COL13A1: variants seen among roughly 807,000 people sequenced by gnomAD.
The protein encoded by COL13A1 is collagen alpha-1(XIII) chain.
A neutral mutation model predicts 130.9 loss-of-function variants in COL13A1; 89 were observed. The ratio of observed to expected loss-of-function variants is 0.68; its 90% CI spans 0.57 to 0.81. The LOEUF (loss-of-function observed/expected upper bound fraction) is 0.81. Ranked by LOEUF, COL13A1 falls within the 30% of genes least tolerant of loss-of-function variation. The pLI is 0.00. For missense variants in COL13A1, 879 were observed against 934.6 expected, an observed-to-expected ratio of 0.94 and a Z score of 0.78; for synonymous variants, 402 against 341.6, an observed-to-expected ratio of 1.18 and a Z score of -1.95.
intron 38 of COL13A1, among the ~76,000 whole-genome samples, chr10:69,952,421 C>G (rs980494533): frequency 6.6e-6 from 1 of 152,218 alleles, no homozygotes; most frequent in Non-Finnish European, 1.5e-5. Context: ...CACACACATC[C>G]CAGGGCTCCA....
At chr10:69,872,936 T>C (rs1229618800) in intron 4 of COL13A1, among the ~76,000 whole-genome samples, 1 of 152,208 alleles carries the variant, frequency 6.6e-6, no homozygotes, top group Non-Finnish European at 1.5e-5. Flanking sequence ...TTGCTTGTGG[T>C]CTGTGCTCCA....
At chr10:69,881,952 G>C (rs1197961008) in intron 7 of COL13A1, among the ~76,000 whole-genome samples, 1 of 152,224 alleles carries the variant, frequency 6.6e-6, no homozygotes, top group East Asian at 1.9e-4. Flanking sequence ...GTCTGCTTCT[G>C]GTTCCTGCTG....
intron 10 of COL13A1, among the ~76,000 whole-genome samples, chr10:69,891,278 G>T (rs2061141040): frequency 6.6e-6 from 1 of 152,230 alleles, no homozygotes; most frequent in African/African-American, 2.4e-5. Context: ...CAGGCCAAAG[G>T]TCGGAGACGG....
chr10:69,956,231 G>A (rs187365414), intron 39 of COL13A1: 4 of 152,362 alleles, frequency 2.6e-5, no homozygotes, highest in Admixed American at 2.6e-4. Context: ...GAGAGGATAT[G>A]AGGGCCCAAG....
chr10:69,817,562 C>A (rs537566413), intron 1 of COL13A1, among the ~76,000 whole-genome samples: 1 of 151,904 alleles, frequency 6.6e-6, no homozygotes, highest in Admixed American at 6.5e-5. Context: ...TAAGATCAGT[C>A]GGCGAGGTTG....
Position 69,875,173 on chromosome 10 carries a change from C to T in COL13A1, c.435+10C>T. On this transcript the variant is annotated intron_variant, in intron 5 of 40. Transcript: ENST00000645393. ...GATGCCTGGACGTGTGGTGAGTTGG[C>T]CCGTTTGTACCTGCTCAGGTGGCCA... 6.2e-7 allele frequency: 1 copy of T among 1,613,960 alleles called. No individual in the cohort carries two copies. The highest frequency in any genetic ancestry group is 8.5e-7 in the Non-Finnish European group (1 of 1,179,862).
At chr10:69,859,023 T>C (rs1193800036) in intron 2 of COL13A1, among the ~76,000 whole-genome samples, 1 of 152,126 alleles carries the variant, frequency 6.6e-6, no homozygotes, top group Non-Finnish European at 1.5e-5. Flanking sequence ...AGGGCATGCC[T>C]GGATTTCAGT....
intron 2 of COL13A1, among the ~76,000 whole-genome samples, chr10:69,840,059 G>C (rs1851182424): frequency 6.6e-6 from 1 of 152,218 alleles, no homozygotes; most frequent in Non-Finnish European, 1.5e-5. Flanking sequence ...AGAGGAAATG[G>C]GGAGAGTGTG....
rs200532556 is a variant in COL13A1 at position 69,927,131 on chromosome 10, C to A, written c.1422+21C>A. The A allele has an allele frequency of 5.0e-6, 8 of 1,607,856 alleles. No individual in the cohort carries two copies. In the African/African-American group the frequency reaches 1.1e-4, roughly 22 times the overall value. ...TGATGGTAAGTTTTGCTCCTCCTGG[C>A]TTTCCTTGGGCACTGGACGGGGGGG... On this transcript the variant is annotated intron_variant, in intron 27 of 40. Transcript: ENST00000645393.
rs185877471 is a variant in COL13A1 at position 69,868,649 on chromosome 10, G to A, written c.372+844G>A. ...CAACCCTATCATCATCCCTTCCTTGGAGAAGTCATTTCCATAGTTGTTTTC... is the reference window on the plus strand; with the variant it reads ...CAACCCTATCATCATCCCTTCCTTGAAGAAGTCATTTCCATAGTTGTTTTC... On this transcript the variant is annotated intron_variant, in intron 3 of 40. Transcript: ENST00000645393. 2.0e-5 allele frequency among the ~76,000 whole-genome samples: 3 copies of A among 152,306 alleles called. No individual in the cohort carries two copies. The East Asian group carries it at 5.8e-4, about 29-fold the overall frequency.
chr10:69,934,529 GGAA>G (rs2066572477), intron 31 of COL13A1, among the ~76,000 whole-genome samples: 1 of 152,228 alleles, frequency 6.6e-6, no homozygotes, highest in South Asian at 2.1e-4. Context: ...TCTACCCCTG[GGAA>G]GACGAGGCAC....
chr10:69,951,459 G>C (rs1187529283), intron 38 of COL13A1, among the ~76,000 whole-genome samples: 3 of 151,960 alleles, frequency 2.0e-5, no homozygotes, highest in Non-Finnish European at 4.4e-5. Flanking sequence ...TCTTGTCCTT[G>C]GCTCAAGTGA....
intron 5 of COL13A1, chr10:69,877,727 A>T (rs2059739792): frequency 2.4e-6 from 1 of 413,998 alleles, no homozygotes; most frequent in Admixed American, 3.6e-5. Context: ...ACACACACAC[A>T]CACACACACA....
chr10:69,952,775 T>C lies in COL13A1; in HGVS notation c.2059-107T>C, dbSNP rs941253085. ...GGAGAATATCCTAATTTAAAGCATC[T>C]CTTTTTCCCTTTTTAATTTTATTTT... On this transcript the variant is annotated intron_variant, in intron 38 of 40. Coordinates refer to ENST00000645393, the MANE Select transcript of COL13A1 (RefSeq NM_001368882.1). 3.8e-6 allele frequency: 3 copies of C among 788,328 alleles called. No homozygotes were observed. The African/African-American group carries it at 5.6e-5, about 15-fold the overall frequency. 48.8% of individuals were successfully genotyped at this position (788,328 alleles called of 1,614,324 possible).
intron 4 of COL13A1, among the ~76,000 whole-genome samples, chr10:69,874,333 G>A (rs1200315099): frequency 3.3e-5 from 5 of 152,074 alleles, no homozygotes; most frequent in South Asian, 4.2e-4. Flanking sequence ...CTGATTCTCC[G>A]CACCCTATTG....
chr10:69,860,671 C>A, intron 2 of COL13A1: 1 of 161,440 alleles, frequency 6.2e-6, no homozygotes, highest in South Asian at 5.1e-5. Context: ...CTCCATCCCC[C>A]TGGGCAGAAC....
intron 14 of COL13A1, among the ~76,000 whole-genome samples, chr10:69,902,426 G>A (rs534575935): frequency 3.3e-5 from 5 of 152,190 alleles, no homozygotes; most frequent in Admixed American, 1.3e-4. Flanking sequence ...CTGGGAGCAG[G>A]CCTTTGGTTG....
intron 2 of COL13A1, among the ~76,000 whole-genome samples, chr10:69,858,422 G>A (rs954905167): frequency 6.6e-6 from 1 of 152,194 alleles, no homozygotes; most frequent in African/African-American, 2.4e-5. Flanking sequence ...CTTGCCCAAG[G>A]TCACACAGCT....
chr10:69,868,048 A>T (rs1002051648), intron 3 of COL13A1, among the ~76,000 whole-genome samples: 1 of 151,214 alleles, frequency 6.6e-6, no homozygotes, highest in African/African-American at 2.4e-5. Context: ...CAGGCCCCAA[A>T]TTTCAATATG....
Sources: allele counts gnomAD v4.1 joint callset (sites outside exome capture counted in the v4.1 genomes callset), GRCh38; gene constraint gnomAD v4.1.1; transcripts MANE v1.5; gene names NCBI Gene and HGNC (gene_info 2026-07-23, HGNC 2026-07-21).